KY: variants seen among roughly 807,000 people sequenced by gnomAD.
KY encodes the protein kyphoscoliosis peptidase.
Under a neutral mutation model 76.1 loss-of-function variants are expected in KY, and 43 were observed. The observed-to-expected ratio is 0.57, with a 90% CI of 0.44 to 0.73. The LOEUF (loss-of-function observed/expected upper bound fraction) is 0.73, where lower values mean the gene tolerates loss of function less well. KY is among the 30% of genes least tolerant of loss of function. KY has a pLI of 0.00. For missense variants in KY, 722 were observed against 828.9 expected, an observed-to-expected ratio of 0.87 and a Z score of 1.58; for synonymous variants, 277 against 326.2, an observed-to-expected ratio of 0.85 and a Z score of 1.63.
At chr3:134,607,441 T>C (rs1959390768) in intron 10 of KY, 1 of 985,474 alleles carries the variant, frequency 1.0e-6, no homozygotes, top group African/African-American at 1.7e-5. Flanking sequence ...CCTGTGCTAA[T>C]AGTCAGTGTG....
At chr3:134,604,616 A>G (rs1959123443) in intron 10 of KY, 142 bp from the exon 11 acceptor site, 1 of 708,634 alleles carries the variant, frequency 1.4e-6, no homozygotes, top group African/African-American at 1.8e-5. Flanking sequence ...TACTTTCACC[A>G]CAGTCCATTT....
intron 7 of KY, chr3:134,619,870 T>G (rs954904846): frequency 2.0e-5 from 3 of 152,802 alleles, no homozygotes; most frequent in African/African-American, 7.2e-5. Context: ...CCCTGCCCCT[T>G]TAAGGCACAG....
chr3:134,646,140 A>G, intron 2 of KY, among the ~76,000 whole-genome samples: 1 of 152,192 alleles, frequency 6.6e-6, no homozygotes, highest in East Asian at 1.9e-4. Flanking sequence ...TTCTGTGGCT[A>G]ACAGGTCTCT....
chr3:134,636,210 C>T (rs916347975), intron 3 of KY, among the ~76,000 whole-genome samples: 2 of 152,200 alleles, frequency 1.3e-5, no homozygotes, highest in South Asian at 4.1e-4. Flanking sequence ...TAGATATTGG[C>T]AAAATTTTCT....
intron 4 of KY, chr3:134,628,184 C>T (rs1203377337): frequency 1.1e-5 from 3 of 261,876 alleles, no homozygotes; most frequent in East Asian, 8.7e-5. Flanking sequence ...CAGATAATGC[C>T]GGGATAAGAA....
chr3:134,634,193 G>T (rs896587217), intron 3 of KY, among the ~76,000 whole-genome samples: 48 of 152,192 alleles, frequency 3.2e-4, no homozygotes, highest in African/African-American at 1.1e-3. Flanking sequence ...TCTCAAAATT[G>T]ATCTACAGAT....
chr3:134,650,910 G>C lies in KY; in HGVS notation c.51C>G (p.Ile17Met). 6.2e-7 allele frequency: 1 copy of C among 1,613,258 alleles called. No homozygotes were observed. Among genetic ancestry groups the C allele is most frequent in the Non-Finnish European group, 8.5e-7 (1 of 1,179,502 alleles). Residue 17 changes from isoleucine (I) to methionine (M), a missense_variant, in exon 1 of 11, where the codon ATC becomes ATG. Physicochemically the swap from Ile to Met is conservative, Grantham distance 10 (BLOSUM62 1). Coordinates refer to ENST00000423778, the MANE Select transcript of KY (RefSeq NM_178554.6). ...INAVSIDMLL[I>M]VHSEKRRAAQ... Reference sequence around the variant, plus strand: ...CGGCGCGCCGCTTCTCCGAGTGCACGATCAGCAGCATGTCGATAGATACAG... The same window carrying C: ...CGGCGCGCCGCTTCTCCGAGTGCACCATCAGCAGCATGTCGATAGATACAG...
In KY at chr3:134,601,353, C is replaced by T. The variant is rs1342338680; in HGVS notation, c.*2226G>A. 6.6e-6 allele frequency among the ~76,000 whole-genome samples: 1 copy of T among 152,092 alleles called. No homozygotes were observed. Among genetic ancestry groups the T allele is most frequent in the African/African-American group, 2.4e-5 (1 of 41,398 alleles). On this transcript the variant is annotated 3_prime_UTR_variant, in exon 11 of 11. Coordinates refer to ENST00000423778, the MANE Select transcript of KY (RefSeq NM_178554.6). ...CTCCTATTTTGCTGGGTGGCATTCT[C>T]TGCAATGCTCCAGGATGTATTGATT...
At chr3:134,635,212 C>T (rs1964761266) in intron 3 of KY, among the ~76,000 whole-genome samples, 1 of 152,142 alleles carries the variant, frequency 6.6e-6, no homozygotes, top group African/African-American at 2.4e-5. Context: ...AGAAATAGTT[C>T]TCAGCTGGGC....
intron 8 of KY, among the ~76,000 whole-genome samples, chr3:134,618,191 A>G (rs1961919589): frequency 6.6e-6 from 1 of 152,162 alleles, no homozygotes; most frequent in African/African-American, 2.4e-5. Flanking sequence ...TGATGGGGGC[A>G]GGAGGCAGCA....
At position 134,601,726 on chromosome 3, in the gene KY, T is replaced by C. The variant is rs1958976498; in HGVS notation, c.*1853A>G. Among the ~76,000 whole-genome samples the C allele has an allele frequency of 1.3e-5, 2 of 152,230 alleles. No individual in the cohort carries two copies. Among genetic ancestry groups the C allele is most frequent in the Admixed American group, 1.3e-4 (2 of 15,290 alleles). On this transcript the variant is annotated 3_prime_UTR_variant, in exon 11 of 11. Transcript: ENST00000423778. ...CAGCCCCCCAGGGGAGACACCCCTT[T>C]TGCTCGAGGCCGCCGGCCTGTTGGA... is the stretch of plus-strand genomic sequence containing the variant.
At chr3:134,610,944 C>T (rs1369396515) in intron 8 of KY, among the ~76,000 whole-genome samples, 3 of 152,178 alleles carry the variant, frequency 2.0e-5, no homozygotes, top group Non-Finnish European at 4.4e-5. Context: ...TGCTATTCCT[C>T]CCAAGGATGC....
At chr3:134,617,603 T>G (rs1366515788) in intron 8 of KY, among the ~76,000 whole-genome samples, 1 of 152,232 alleles carries the variant, frequency 6.6e-6, no homozygotes, top group African/African-American at 2.4e-5. Flanking sequence ...AGTAATAATT[T>G]CTTTTTTGCT....
chr3:134,640,914 A>G (rs1965665592), intron 3 of KY, among the ~76,000 whole-genome samples: 1 of 152,182 alleles, frequency 6.6e-6, no homozygotes, highest in African/African-American at 2.4e-5. Flanking sequence ...TTGGATGTCT[A>G]CAACCATCTA....
rs571553125 is a variant in KY, at chr3:134,608,594, A to G, written c.1090+55T>C. On this transcript the variant is annotated intron_variant, in intron 10 of 10. Coordinates refer to ENST00000423778, the MANE Select transcript of KY (RefSeq NM_178554.6). ...AGTCTCAGGCGGGCTCCTGGAGGACAGTGCGAAATGCTCCATTCCTGCTGC... is the reference window on the plus strand; with the variant it reads ...AGTCTCAGGCGGGCTCCTGGAGGACGGTGCGAAATGCTCCATTCCTGCTGC... 181 of 1,613,628 alleles carry G rather than the reference A, an allele frequency of 1.1e-4. 1 individual carries two copies. Among genetic ancestry groups the G allele is most frequent in the African/African-American group, 6.5e-4 (49 of 75,084 alleles).
At chr3:134,621,791 G>T (rs1289129259) in intron 6 of KY, among the ~76,000 whole-genome samples, 2 of 152,106 alleles carry the variant, frequency 1.3e-5, no homozygotes, top group African/African-American at 4.8e-5. Context: ...CTTACAAAAT[G>T]AGAGAAAACA....
At position 134,602,848 on chromosome 3, in the gene KY, C is replaced by T. The variant is rs531421734; in HGVS notation, c.*731G>A. ...AGTGTCCCTCCCACCTGCACAGCCA[C>T]AGCGGGCATGGGCTGCTCTTTGCTT... is the stretch of plus-strand genomic sequence containing the variant. On this transcript the variant is annotated 3_prime_UTR_variant, in exon 11 of 11. Coordinates refer to ENST00000423778, the MANE Select transcript of KY (RefSeq NM_178554.6). 3.9e-5 allele frequency among the ~76,000 whole-genome samples: 6 copies of T among 152,252 alleles called. No individual in the cohort carries two copies. In the South Asian group the frequency reaches 1.0e-3, roughly 26 times the overall value.
intron 8 of KY, chr3:134,610,647 A>C: frequency 2.5e-6 from 1 of 408,002 alleles, no homozygotes; most frequent in South Asian, 4.8e-5. Context: ...GACCAACACC[A>C]TTCAGATCAC....
chr3:134,644,120 C>T (rs1016660702), intron 2 of KY, among the ~76,000 whole-genome samples: 2 of 152,192 alleles, frequency 1.3e-5, no homozygotes, highest in Non-Finnish European at 2.9e-5. Flanking sequence ...CCACCGCGCC[C>T]GGCCGAGCCT....
Sources: gnomAD v4.1 joint callset for allele counts (sites outside exome capture counted in the v4.1 genomes callset) on GRCh38, gnomAD v4.1.1 for gene constraint, MANE v1.5 for transcripts, NCBI Gene and HGNC (gene_info 2026-07-23, HGNC 2026-07-21) for gene names.